Variants in AUTS2 observed in about 807,000 individuals in gnomAD.
AUTS2 encodes activator of transcription and developmental regulator AUTS2.
Under a neutral mutation model 112.4 loss-of-function variants are expected in AUTS2, and 17 were observed. That is an observed-to-expected ratio of 0.15 (90% CI 0.10 to 0.23). The LOEUF (loss-of-function observed/expected upper bound fraction) is 0.23. AUTS2 is among the 10% of genes least tolerant of loss of function. AUTS2 has a pLI of 1.00. For missense variants in AUTS2, 1,510 were observed against 1,701.6 expected (o/e 0.89, Z 1.98); for synonymous variants, 751 against 702.7 (o/e 1.07, Z -1.09).
chr7:70,395,647 AGGT>A (rs1378116181), intron 4 of AUTS2, among the ~76,000 whole-genome samples: 6 of 152,232 alleles, frequency 3.9e-5, no homozygotes, highest in Non-Finnish European at 7.3e-5. Flanking sequence ...TGCTTAACAT[AGGT>A]TGAAAGTTAG....
At chr7:70,782,061 G>A in intron 15 of AUTS2, 1 of 331,166 alleles carries the variant, frequency 3.0e-6, no homozygotes, top group Non-Finnish European at 5.5e-6. Context: ...TATTGAGAAA[G>A]ATCTGAAGGC....
chr7:69,738,191 G>A (rs1787116099), intron 1 of AUTS2, among the ~76,000 whole-genome samples: 1 of 151,864 alleles, frequency 6.6e-6, no homozygotes, highest in Non-Finnish European at 1.5e-5. Flanking sequence ...GGGCCATCAG[G>A]TTCTTTATCT....
intron 5 of AUTS2, among the ~76,000 whole-genome samples, chr7:70,572,196 G>A (rs979865381): frequency 1.2e-4 from 18 of 152,088 alleles, no homozygotes; most frequent in South Asian, 4.1e-4. Context: ...CACATGCCGC[G>A]GGCTTGGGCG....
chr7:70,642,451 C>T (rs983105630), intron 5 of AUTS2, among the ~76,000 whole-genome samples: 1 of 152,090 alleles, frequency 6.6e-6, no homozygotes, highest in African/African-American at 2.4e-5. Flanking sequence ...TTTTATTTTT[C>T]ACTTTTAGGT....
intron 4 of AUTS2, among the ~76,000 whole-genome samples, chr7:70,393,231 C>T (rs886398510): frequency 3.9e-5 from 6 of 152,184 alleles, no homozygotes; most frequent in African/African-American, 1.2e-4. Context: ...CTTGTTCCTT[C>T]TCAGTTTGTC....
intron 2 of AUTS2, among the ~76,000 whole-genome samples, chr7:69,924,654 C>A (rs1383629506): frequency 6.6e-6 from 1 of 151,782 alleles, no homozygotes; most frequent in Non-Finnish European, 1.5e-5. Context: ...TGGGTTCAAG[C>A]GATTCTCCTA....
At chr7:70,741,109 TA>T (rs201234065) in intron 6 of AUTS2, among the ~76,000 whole-genome samples, 105 of 141,676 alleles carry the variant, frequency 7.4e-4, no homozygotes, top group Middle Eastern at 3.8e-3. Flanking sequence ...TTAAAAAAAA[TA>T]AAAAAAAAAA....
At chr7:69,930,640 G>A (rs1229230297) in intron 2 of AUTS2, among the ~76,000 whole-genome samples, 1 of 152,094 alleles carries the variant, frequency 6.6e-6, no homozygotes, top group East Asian at 1.9e-4. Context: ...ACCAGAAGTG[G>A]TTCTCCCATA....
At chr7:70,567,726 T>A (rs2129524783) in intron 5 of AUTS2, among the ~76,000 whole-genome samples, 1 of 152,166 alleles carries the variant, frequency 6.6e-6, no homozygotes, top group Non-Finnish European at 1.5e-5. Flanking sequence ...AGCTTGAGGG[T>A]TCATCAACTC....
intron 5 of AUTS2, among the ~76,000 whole-genome samples, chr7:70,556,907 T>G (rs1346988169): frequency 6.6e-6 from 1 of 152,114 alleles, no homozygotes; most frequent in Non-Finnish European, 1.5e-5. Context: ...TAAAAGTACT[T>G]CTGGTAAACT....
intron 2 of AUTS2, among the ~76,000 whole-genome samples, chr7:70,104,002 T>C (rs1160605613): frequency 1.3e-5 from 2 of 151,898 alleles, no homozygotes; most frequent in African/African-American, 4.8e-5. Flanking sequence ...AGCAGCTTAA[T>C]GGTAATTGAT....
chr7:70,058,933 C>T (rs1802116996), intron 2 of AUTS2, among the ~76,000 whole-genome samples: 1 of 152,142 alleles, frequency 6.6e-6, no homozygotes. Context: ...CCACCATACC[C>T]CTCACCCTAG....
At chr7:70,432,948 G>A (rs1248110700) in intron 4 of AUTS2, among the ~76,000 whole-genome samples, 1 of 152,166 alleles carries the variant, frequency 6.6e-6, no homozygotes, top group Non-Finnish European at 1.5e-5. Context: ...TGGCCTTGTC[G>A]AGGAGCTGTC....
chr7:70,685,472 C>CAAAAAA (rs34403837), intron 5 of AUTS2, among the ~76,000 whole-genome samples: 9 of 65,732 alleles, frequency 1.4e-4, no homozygotes, highest in East Asian at 3.7e-4. Flanking sequence ...GACTCTGTCT[C>CAAAAAA]AAAAAAAAAA....
intron 4 of AUTS2, among the ~76,000 whole-genome samples, chr7:70,174,031 G>T (rs988046757): frequency 2.0e-5 from 3 of 152,196 alleles, no homozygotes; most frequent in African/African-American, 7.2e-5. Context: ...ATTTAGCTTA[G>T]TAAGGAAGGC....
At chr7:70,578,290 G>A (rs186103092) in intron 5 of AUTS2, among the ~76,000 whole-genome samples, 10 of 152,356 alleles carry the variant, frequency 6.6e-5, no homozygotes, top group Non-Finnish European at 1.2e-4. Flanking sequence ...TGGTTTGTTA[G>A]TTGGCTGCCT....
At chr7:70,692,804 C>T (rs1250414804) in intron 5 of AUTS2, among the ~76,000 whole-genome samples, 1 of 150,388 alleles carries the variant, frequency 6.6e-6, no homozygotes, top group African/African-American at 2.5e-5. Flanking sequence ...TTCAAGAGTG[C>T]CATGAAATCA....
chr7:70,109,179 C>A (rs1804939033), intron 2 of AUTS2, among the ~76,000 whole-genome samples: 1 of 152,114 alleles, frequency 6.6e-6, no homozygotes, highest in South Asian at 2.1e-4. Flanking sequence ...AACAGAAAAT[C>A]ATAAAAAGTA....
intron 1 of AUTS2, among the ~76,000 whole-genome samples, chr7:69,611,443 C>T (rs1215628994): frequency 6.6e-6 from 1 of 152,180 alleles, no homozygotes; most frequent in African/African-American, 2.4e-5. Flanking sequence ...TGTTTTATTA[C>T]TCTAATATAG....
Sources: allele counts gnomAD v4.1 joint callset (sites outside exome capture counted in the v4.1 genomes callset), GRCh38; gene constraint gnomAD v4.1.1; transcripts MANE v1.5; gene names NCBI Gene and HGNC (gene_info 2026-07-23, HGNC 2026-07-21).